BMPR1B: variants seen among roughly 807,000 people sequenced by gnomAD.
The protein encoded by BMPR1B is bone morphogenetic protein receptor type-1B.
BMPR1B carries 12 observed loss-of-function variants against 59.1 expected under a neutral mutation model. That is an observed-to-expected ratio of 0.20 (90% confidence interval 0.13 to 0.33). BMPR1B has a LOEUF of 0.33. BMPR1B is among the 10% of genes least tolerant of loss of function. The pLI is 1.00. For missense variants in BMPR1B, 550 were observed against 610.9 expected (o/e 0.90, Z 1.05); for synonymous variants, 237 against 207.3 (o/e 1.14, Z -1.23).
intron 2 of BMPR1B, among the ~76,000 whole-genome samples, chr4:94,947,125 A>G (rs2149049909): frequency 6.6e-6 from 1 of 152,290 alleles, no homozygotes; most frequent in South Asian, 2.1e-4. Context: ...GAATGACCTA[A>G]TTTTAGTAAA....
intron 1 of BMPR1B, among the ~76,000 whole-genome samples, chr4:94,815,093 TG>T (rs1312824321): frequency 6.6e-6 from 1 of 151,984 alleles, no homozygotes; most frequent in Non-Finnish European, 1.5e-5. Context: ...TTAGTAGAGA[TG>T]GGGTTTCGCC....
intron 1 of BMPR1B, among the ~76,000 whole-genome samples, chr4:94,828,924 A>G (rs148827723): frequency 7.9e-5 from 12 of 152,206 alleles, no homozygotes; most frequent in African/African-American, 2.2e-4. Flanking sequence ...AGGCCCTTCT[A>G]TTCTGAGTAG....
At chr4:95,055,328 GGAGGA>G (rs1726837275) in intron 3 of BMPR1B, among the ~76,000 whole-genome samples, 1 of 152,058 alleles carries the variant, frequency 6.6e-6, no homozygotes, top group Non-Finnish European at 1.5e-5. Flanking sequence ...TCCAGTAAGA[GGAGGA>G]TAACAAACAT....
Position 95,156,849 on chromosome 4 carries a change from G to T in BMPR1B, c.*2176G>T, listed in dbSNP as rs930682597. 1.1e-4 allele frequency: 16 copies of T among 152,144 alleles called. No homozygotes were observed. The highest frequency in any genetic ancestry group is 2.1e-4 in the South Asian group (1 of 4,836). 9.4% of individuals were successfully genotyped at this position (152,144 alleles called of 1,614,324 possible). On this transcript the variant is annotated 3_prime_UTR_variant, in exon 13 of 13. Transcript: ENST00000515059. ...TAGAACTAAGTGTGACTAATCATCT[G>T]AGCCTTGAAGAGAAACTTCAGTGCC...
chr4:95,143,734 C>T (rs1021134090), intron 10 of BMPR1B, among the ~76,000 whole-genome samples: 2 of 152,158 alleles, frequency 1.3e-5, no homozygotes, highest in African/African-American at 4.8e-5. Flanking sequence ...ATTTTGAGAT[C>T]CAGATGAATG....
chr4:95,016,593 T>C (rs1250095016), intron 3 of BMPR1B, among the ~76,000 whole-genome samples: 1 of 152,190 alleles, frequency 6.6e-6, no homozygotes, highest in East Asian at 1.9e-4. Context: ...CAATTATTTA[T>C]AGATTGTAGA....
At position 95,105,475 on chromosome 4, in the gene BMPR1B, C is replaced by CT. The variant is rs879483715; in HGVS notation, c.143+919dup. 7.0e-4 allele frequency among the ~76,000 whole-genome samples: 102 copies of CT among 146,066 alleles called. 1 individual carries two copies. The highest frequency in any genetic ancestry group is 6.0e-3 in the East Asian group (30 of 5,036). ...AAGGTACGCAAAGCTGAGTTGAATG[C>CT]TTTTTTTTTTTCCTTTCTGAGAGCT... is the stretch of plus-strand genomic sequence containing the variant. On this transcript the variant is annotated intron_variant, in intron 4 of 12. Transcript: ENST00000515059.
At chr4:95,118,190 T>C (rs1238336752) in intron 6 of BMPR1B, among the ~76,000 whole-genome samples, 1 of 152,184 alleles carries the variant, frequency 6.6e-6, no homozygotes, top group Non-Finnish European at 1.5e-5. Context: ...TCAGGTAGTG[T>C]CTAGTTCCAA....
intron 1 of BMPR1B, among the ~76,000 whole-genome samples, chr4:94,798,818 CTCT>C (rs1436414786): frequency 1.3e-5 from 2 of 152,050 alleles, no homozygotes; most frequent in East Asian, 1.9e-4. Context: ...GGCTTCTTTT[CTCT>C]TCTTCTTTAC....
At chr4:95,025,630 G>T (rs978645460) in intron 3 of BMPR1B, among the ~76,000 whole-genome samples, 3 of 151,590 alleles carry the variant, frequency 2.0e-5, no homozygotes, top group Non-Finnish European at 4.4e-5. Context: ...CTCAGAAGTT[G>T]CCACTTCAGT....
chr4:94,979,682 T>G (rs1463762722), intron 2 of BMPR1B, among the ~76,000 whole-genome samples: 2 of 152,362 alleles, frequency 1.3e-5, no homozygotes, highest in East Asian at 3.9e-4. Flanking sequence ...AAATTCATCT[T>G]TTCAAATATC....
intron 1 of BMPR1B, among the ~76,000 whole-genome samples, chr4:94,854,170 G>A (rs1170681528): frequency 6.8e-6 from 1 of 147,346 alleles, no homozygotes; most frequent in African/African-American, 2.5e-5. Context: ...TATTGAATAA[G>A]GCCTTTCGTA....
At chr4:94,869,604 A>T (rs535330624) in intron 1 of BMPR1B, among the ~76,000 whole-genome samples, 1 of 152,298 alleles carries the variant, frequency 6.6e-6, no homozygotes, top group Admixed American at 6.5e-5. Context: ...AATTAGAGGT[A>T]TGTTCCATCC....
At chr4:94,993,661 C>A (rs1301098095) in intron 2 of BMPR1B, among the ~76,000 whole-genome samples, 8 of 149,412 alleles carry the variant, frequency 5.4e-5, no homozygotes, top group Non-Finnish European at 1.0e-4. Context: ...CTTGGGAGGC[C>A]TAGGTAGGAG....
chr4:94,786,170 G>T (rs1722756522), intron 1 of BMPR1B, among the ~76,000 whole-genome samples: 1 of 152,144 alleles, frequency 6.6e-6, no homozygotes, highest in South Asian at 2.1e-4. Flanking sequence ...GAAGATGAGA[G>T]GGCATGGAAT....
intron 3 of BMPR1B, among the ~76,000 whole-genome samples, chr4:95,048,762 T>C (rs1726223495): frequency 6.6e-6 from 1 of 152,122 alleles, no homozygotes; most frequent in African/African-American, 2.4e-5. Flanking sequence ...ATATGTACAT[T>C]AGGGTGAGAG....
intron 2 of BMPR1B, among the ~76,000 whole-genome samples, chr4:94,902,084 T>TGG (rs1219485993): frequency 7.8e-6 from 1 of 127,886 alleles, no homozygotes; most frequent in African/African-American, 2.9e-5. Context: ...TGTGTGTGTG[T>TGG]GTGGGGTGTA....
At chr4:94,782,922 A>T (rs1198001272) in intron 1 of BMPR1B, among the ~76,000 whole-genome samples, 2 of 152,112 alleles carry the variant, frequency 1.3e-5, no homozygotes, top group Non-Finnish European at 2.9e-5. Context: ...GTAACACTGG[A>T]ATCTGCTTCC....
At chr4:94,838,947 C>T (rs1351347306) in intron 1 of BMPR1B, among the ~76,000 whole-genome samples, 3 of 137,332 alleles carry the variant, frequency 2.2e-5, no homozygotes, top group African/African-American at 8.3e-5. Flanking sequence ...CCCAGAGATT[C>T]TGGTATGTTG....
Sources: allele counts gnomAD v4.1 joint callset (sites outside exome capture counted in the v4.1 genomes callset), GRCh38; gene constraint gnomAD v4.1.1; transcripts MANE v1.5; gene names NCBI Gene and HGNC (gene_info 2026-07-23, HGNC 2026-07-21).